Variants in KCNIP4 observed in about 807,000 individuals in gnomAD.
The protein encoded by KCNIP4 is potassium voltage-gated channel interacting protein 4.
KCNIP4 carries 12 observed loss-of-function variants against 34.0 expected under a neutral mutation model. The ratio of observed to expected loss-of-function variants is 0.35; its 90% CI spans 0.23 to 0.57. KCNIP4 has a LOEUF of 0.57. KCNIP4 is among the 20% of genes least tolerant of loss of function. The pLI is 0.83. For missense variants in KCNIP4, 238 were observed against 311.7 expected (o/e 0.76, Z 1.78); for synonymous variants, 124 against 102.2 (o/e 1.21, Z -1.29).
chr4:21,395,784 T>A (rs1038373228), intron 1 of KCNIP4, among the ~76,000 whole-genome samples: 7 of 152,164 alleles, frequency 4.6e-5, no homozygotes, highest in African/African-American at 1.4e-4. Context: ...GGGCTTCTTT[T>A]AAATGATGTG....
At position 20,758,811 on chromosome 4, in the gene KCNIP4, T is replaced by G. The variant is rs779047477; in HGVS notation, c.358+10A>C. The G allele has an allele frequency of 8.1e-6, 13 of 1,605,412 alleles. No homozygotes were observed. In the Admixed American group the frequency reaches 1.2e-4, roughly 14 times the overall value. ...TGATAGTATGTTAACAAGTCCACAT[T>G]TGTACTTACCTCCCTGTGGAAAGAA... On this transcript the variant is annotated intron_variant, in intron 4 of 8. Transcript: ENST00000382152.
At chr4:20,949,984 T>G (rs1439527079) in intron 1 of KCNIP4, among the ~76,000 whole-genome samples, 2 of 150,620 alleles carry the variant, frequency 1.3e-5, no homozygotes, top group South Asian at 2.1e-4. Context: ...ATTGTGCACA[T>G]GTACCCTAAA....
intron 1 of KCNIP4, among the ~76,000 whole-genome samples, chr4:21,857,172 A>G (rs1724812652): frequency 1.3e-5 from 2 of 152,344 alleles, no homozygotes; most frequent in South Asian, 4.1e-4. Context: ...ATGGCCTTAC[A>G]TGAACCAATC....
chr4:21,217,038 G>C (rs967423030), intron 1 of KCNIP4, among the ~76,000 whole-genome samples: 3 of 152,182 alleles, frequency 2.0e-5, no homozygotes, highest in Admixed American at 2.0e-4. Flanking sequence ...GCATCTGGTA[G>C]TGAATGAAGC....
chr4:21,505,155 C>G (rs1475210004), intron 1 of KCNIP4, among the ~76,000 whole-genome samples: 1 of 152,074 alleles, frequency 6.6e-6, no homozygotes, highest in East Asian at 1.9e-4. Flanking sequence ...TTTACAAGGT[C>G]CACAGAGCAT....
chr4:21,143,734 C>T (rs997853717), intron 1 of KCNIP4, among the ~76,000 whole-genome samples: 1 of 150,792 alleles, frequency 6.6e-6, no homozygotes, highest in Non-Finnish European at 1.5e-5. Context: ...GATGGAGTCT[C>T]ACTCTGTCAC....
At chr4:21,885,324 T>A (rs1726701562) in intron 1 of KCNIP4, among the ~76,000 whole-genome samples, 1 of 152,160 alleles carries the variant, frequency 6.6e-6, no homozygotes, top group South Asian at 2.1e-4. Flanking sequence ...GAACTGAACA[T>A]TGTTCTATTC....
chr4:20,950,278 A>G (rs1374931864), intron 1 of KCNIP4, among the ~76,000 whole-genome samples: 1 of 152,108 alleles, frequency 6.6e-6, no homozygotes, highest in Admixed American at 6.5e-5. Context: ...TGTAGCTAGC[A>G]TGGCTCACTA....
At chr4:21,228,127 T>C (rs2109015152) in intron 1 of KCNIP4, among the ~76,000 whole-genome samples, 1 of 152,306 alleles carries the variant, frequency 6.6e-6, no homozygotes, top group South Asian at 2.1e-4. Flanking sequence ...GTGATTTGGC[T>C]CTGTGTCACC....
At chr4:21,145,499 C>T (rs1359717495) in intron 1 of KCNIP4, among the ~76,000 whole-genome samples, 6 of 152,212 alleles carry the variant, frequency 3.9e-5, no homozygotes, top group African/African-American at 9.6e-5. Context: ...AACCACTGCT[C>T]TAGCTCAACT....
chr4:21,877,136 T>C (rs538133798), intron 1 of KCNIP4, among the ~76,000 whole-genome samples: 6 of 152,260 alleles, frequency 3.9e-5, no homozygotes, highest in African/African-American at 1.4e-4. Context: ...ATGGATCACC[T>C]GAGGTAAAGA....
At chr4:21,863,526 G>C (rs57134420) in intron 1 of KCNIP4, among the ~76,000 whole-genome samples, 15,851 of 152,078 alleles carry the variant, frequency 0.1, 851 homozygotes, top group Middle Eastern at 0.14. Context: ...ATGGGGAGGG[G>C]GAAGGTATTG....
intron 1 of KCNIP4, among the ~76,000 whole-genome samples, chr4:21,657,863 C>T (rs975687506): frequency 9.5e-5 from 14 of 146,856 alleles, no homozygotes; most frequent in East Asian, 4.0e-4. Flanking sequence ...TTTTTTGAGA[C>T]GGAGTCTCGC....
intron 3 of KCNIP4, among the ~76,000 whole-genome samples, chr4:20,808,124 T>G (rs1382846301): frequency 6.6e-6 from 1 of 152,190 alleles, no homozygotes; most frequent in Non-Finnish European, 1.5e-5. Context: ...TCTTTTTTGG[T>G]AAAACTGTTG....
At chr4:21,446,067 C>G (rs1727958568) in intron 1 of KCNIP4, among the ~76,000 whole-genome samples, 1 of 152,116 alleles carries the variant, frequency 6.6e-6, no homozygotes, top group Non-Finnish European at 1.5e-5. Context: ...ATCAAAACCA[C>G]AATGAGATAC....
At chr4:21,262,748 C>T (rs961802546) in intron 1 of KCNIP4, among the ~76,000 whole-genome samples, 1 of 152,164 alleles carries the variant, frequency 6.6e-6, no homozygotes, top group Non-Finnish European at 1.5e-5. Flanking sequence ...GAGACAACTC[C>T]AACTTTTACT....
At chr4:21,914,816 T>C (rs1398837) in intron 1 of KCNIP4, among the ~76,000 whole-genome samples, 37,851 of 152,120 alleles carry the variant, frequency 0.25, 5,603 homozygotes, top group East Asian at 0.61. Flanking sequence ...CTTCAAGGTT[T>C]ACCACTCTGT....
At chr4:21,600,760 G>A (rs1171895781) in intron 1 of KCNIP4, among the ~76,000 whole-genome samples, 1 of 151,982 alleles carries the variant, frequency 6.6e-6, no homozygotes, top group Non-Finnish European at 1.5e-5. Flanking sequence ...ATTGACACTT[G>A]GATAGATGTC....
At chr4:21,790,026 A>C (rs924004394) in intron 1 of KCNIP4, among the ~76,000 whole-genome samples, 3 of 152,318 alleles carry the variant, frequency 2.0e-5, no homozygotes, top group Non-Finnish European at 2.9e-5. Flanking sequence ...TTTGGTTATG[A>C]AACTGCCATG....
Sources: gnomAD v4.1 joint callset for allele counts (sites outside exome capture counted in the v4.1 genomes callset) on GRCh38, gnomAD v4.1.1 for gene constraint, MANE v1.5 for transcripts, NCBI Gene and HGNC (gene_info 2026-07-23, HGNC 2026-07-21) for gene names.